Variants in PPIL2 observed in about 807,000 individuals in gnomAD.
PPIL2 encodes the protein peptidylprolyl isomerase like 2.
Under a neutral mutation model 75.2 loss-of-function variants are expected in PPIL2, and 50 were observed. The ratio of observed to expected loss-of-function variants is 0.66; its 90% confidence interval spans 0.53 to 0.84. PPIL2 has a LOEUF of 0.84. Ranked by LOEUF, PPIL2 falls within the 40% of genes least tolerant of loss-of-function variation. The probability of loss-of-function intolerance (pLI) is 0.00; values close to 1 mark genes in which losing one functional copy is unlikely to be tolerated. For missense variants in PPIL2, 590 were observed against 685.0 expected, an observed-to-expected ratio of 0.86 and a Z score of 1.55; for synonymous variants, 245 against 258.8, an observed-to-expected ratio of 0.95 and a Z score of 0.51.
intron 10 of PPIL2, 101 bp downstream of exon 10, chr22:21,685,014 G>C: frequency 1.4e-6 from 2 of 1,467,812 alleles, no homozygotes; most frequent in Non-Finnish European, 1.8e-6. Flanking sequence ...GGGGGCCTGG[G>C]ATACACGGCA....
rs1395048427 is a variant in PPIL2 at position 21,697,049 on chromosome 22, G to A, written c.*1559G>A. 1.7e-5 allele frequency: 26 copies of A among 1,490,818 alleles called. No homozygotes were observed. The highest frequency in any genetic ancestry group is 6.0e-5 in the Admixed American group (3 of 50,050). 92.3% of individuals were successfully genotyped at this position (1,490,818 alleles called of 1,614,324 possible). A position where few individuals can be genotyped will look rare whatever the true frequency, so the allele number is the denominator to read the frequency against. ...TCATCCCTGTCTGTGACCATTGGTC[G>A]GGCCCCTGGGCTCTAGAGTGACTTT... On this transcript the variant is annotated 3_prime_UTR_variant, in exon 20 of 20. Coordinates refer to ENST00000398831, the MANE Select transcript of PPIL2 (RefSeq NM_014337.4).
chr22:21,683,108 G>A (rs1026685128), intron 8 of PPIL2, 74 bp from the exon 9 acceptor site: 24 of 1,294,356 alleles, frequency 1.9e-5, no homozygotes, highest in South Asian at 3.5e-5. Context: ...ACAGCTGGCC[G>A]TCCTTTGCTG....
At chr22:21,683,311 A>T in intron 9 of PPIL2, 54 bp downstream of exon 9, 1 of 1,479,196 alleles carries the variant, frequency 6.8e-7, no homozygotes, top group Non-Finnish European at 9.4e-7. Context: ...TGAAATTGGG[A>T]CAGTGCTCCC....
At chr22:21,671,082 A>T in intron 4 of PPIL2, 23 bp downstream of exon 4, 7 of 1,591,822 alleles carry the variant, frequency 4.4e-6, no homozygotes, top group Non-Finnish European at 5.2e-6. Context: ...TTGAATTTTG[A>T]TCTAACAAAT....
intron 6 of PPIL2, among the ~76,000 whole-genome samples, chr22:21,677,345 CG>C (rs2066916109): frequency 6.6e-6 from 1 of 152,176 alleles, no homozygotes; most frequent in Admixed American, 6.5e-5. Context: ...CCAAGGCAGG[CG>C]GCTGGGAGGT....
At chr22:21,684,464 A>AAG (rs1222777842) in intron 9 of PPIL2, among the ~76,000 whole-genome samples, 3 of 149,818 alleles carry the variant, frequency 2.0e-5, no homozygotes, top group African/African-American at 7.4e-5. Flanking sequence ...CAAAAAAAAA[A>AAG]AAAAAAAAAA....
chr22:21,694,855 G>C (rs2067850021), intron 18 of PPIL2, 38 bp downstream of exon 18: 2 of 1,590,660 alleles, frequency 1.3e-6, no homozygotes, highest in African/African-American at 2.7e-5. Context: ...GAGGGTCTGG[G>C]CTAGTGCACT....
rs369953263 is a variant in PPIL2 at position 21,669,472 on chromosome 22, T to C, written c.33-441T>C. 5.4e-5 allele frequency: 21 copies of C among 390,358 alleles called. No individual in the cohort carries two copies. The East Asian group carries it at 1.3e-3, about 25-fold the overall frequency. 24.2% of individuals were successfully genotyped at this position (390,358 alleles called of 1,614,324 possible). A position where few individuals can be genotyped will look rare whatever the true frequency, so the allele number is the denominator to read the frequency against. On this transcript the variant is annotated intron_variant, in intron 1 of 19. Transcript: ENST00000398831. ...TCTCCATGTCTGTTGTGTTTATCAC[T>C]GTGTGGCTGACATATAGTAGGTGTT...
chr22:21,679,642 G>C (rs914910255), intron 6 of PPIL2, among the ~76,000 whole-genome samples: 1 of 150,848 alleles, frequency 6.6e-6, no homozygotes, highest in Non-Finnish European at 1.5e-5. Context: ...TCAGCCTATC[G>C]CCTAGGCTGG....
chr22:21,674,389 T>A (rs1290492205), intron 5 of PPIL2, among the ~76,000 whole-genome samples: 1 of 152,144 alleles, frequency 6.6e-6, no homozygotes, highest in Non-Finnish European at 1.5e-5. Context: ...AGAAAAAACA[T>A]CCAGAAACAG....
intron 1 of PPIL2, 98 bp downstream of exon 1, chr22:21,666,229 C>T (rs1048634511): frequency 9.9e-5 from 136 of 1,378,570 alleles, no homozygotes; most frequent in Non-Finnish European, 2.0e-5. Context: ...AGCTACTCCC[C>T]AGAGCACAGC....
chr22:21,681,153 TC>T (rs1402143024), intron 6 of PPIL2, 145 bp from the exon 7 acceptor site: 3 of 665,086 alleles, frequency 4.5e-6, no homozygotes, highest in Admixed American at 4.7e-5. Flanking sequence ...TCCCCATGGT[TC>T]CCTGCTCTGG....
chr22:21,683,339 T>C, intron 9 of PPIL2, 82 bp downstream of exon 9: 1 of 1,264,220 alleles, frequency 7.9e-7, no homozygotes, highest in Non-Finnish European at 1.1e-6. Flanking sequence ...AGCCCCCGCT[T>C]TCCTGGAGGT....
chr22:21,669,797 C>T, intron 1 of PPIL2, 116 bp from the exon 2 acceptor site: 1 of 1,124,422 alleles, frequency 8.9e-7, no homozygotes, highest in Non-Finnish European at 1.4e-6. Flanking sequence ...ACCGTGCCCG[C>T]CCCATAGTAG....
intron 2 of PPIL2, chr22:21,670,254 CTCTA>C (rs2066580100): frequency 6.2e-6 from 8 of 1,288,496 alleles, no homozygotes; most frequent in Non-Finnish European, 8.4e-6. Context: ...AATGTTTTTT[CTCTA>C]TCAAGTTTAT....
At chr22:21,694,059 T>A (rs1482189887) in intron 16 of PPIL2, among the ~76,000 whole-genome samples, 187 bp downstream of exon 16, 4 of 152,182 alleles carry the variant, frequency 2.6e-5, no homozygotes, top group Admixed American at 1.3e-4. Flanking sequence ...AGTCTGGCTC[T>A]CTAGACCCAC....
rs377318280 is a variant in PPIL2, at chr22:21,670,985, G to C, written c.129-12G>C. 9 of 1,608,906 alleles carry C rather than the reference G, an allele frequency of 5.6e-6. No homozygotes were observed. In the African/African-American group the frequency reaches 1.2e-4, roughly 21 times the overall value. Reference sequence around the variant, plus strand: ...GCGTGGCAACTCACCAGGAATGACTGTCCTTTTTCAGTCTCTCTCTGCAGC... The same window carrying C: ...GCGTGGCAACTCACCAGGAATGACTCTCCTTTTTCAGTCTCTCTCTGCAGC... On this transcript the variant is annotated splice_polypyrimidine_tract_variant and intron_variant, in intron 3 of 19. Coordinates refer to ENST00000398831, the MANE Select transcript of PPIL2 (RefSeq NM_014337.4).
At position 21,684,882 on chromosome 22, in the gene PPIL2, C is replaced by G. The variant is rs372633630; in HGVS notation, c.683C>G (p.Pro228Arg). The change falls in exon 10 of 20, where the codon CCG becomes CGG. Residue 228 changes from proline to arginine, a missense_variant. Coordinates refer to ENST00000398831, the MANE Select transcript of PPIL2 (RefSeq NM_014337.4). ...DEILAATMKA[P>R]EKKKVDKLNA... ...ATTCTGGCAGCCACCATGAAGGCCC[C>G]GGAGAAGAAGAAAGTGGACAAGCTG... 151 of 1,613,904 alleles carry G rather than the reference C, an allele frequency of 9.4e-5. No individual in the cohort carries two copies. The highest frequency in any genetic ancestry group is 1.2e-4 in the Non-Finnish European group (146 of 1,179,928).
intron 6 of PPIL2, among the ~76,000 whole-genome samples, chr22:21,676,699 C>G (rs1381920945): frequency 9.3e-6 from 1 of 107,382 alleles, no homozygotes; most frequent in South Asian, 3.1e-4. Context: ...AGATCAACAG[C>G]ATCCCAAGGC....
Sources: allele counts gnomAD v4.1 joint callset (sites outside exome capture counted in the v4.1 genomes callset), GRCh38; gene constraint gnomAD v4.1.1; transcripts MANE v1.5; gene names NCBI Gene and HGNC (gene_info 2026-07-23, HGNC 2026-07-21).